Variants in PASK observed in about 807,000 individuals in gnomAD.
PASK encodes PAS domain-containing serine/threonine-protein kinase.
PASK carries 110 observed loss-of-function variants against 121.0 expected under a neutral mutation model. That is an observed-to-expected ratio of 0.91 (90% CI 0.78 to 1.06). The LOEUF (loss-of-function observed/expected upper bound fraction) is 1.06. Ranked by LOEUF, PASK falls within the 50% of genes least tolerant of loss-of-function variation. The probability of loss-of-function intolerance (pLI) is 0.00; values close to 1 mark genes in which losing one functional copy is unlikely to be tolerated. For synonymous variants in PASK, 686 were observed against 717.8 expected, an observed-to-expected ratio of 0.96 and a Z score of 0.71; for missense variants, 1,643 against 1,702.3, an observed-to-expected ratio of 0.97 and a Z score of 0.61.
intron 12 of PASK, 114 bp downstream of exon 12, chr2:241,122,618 T>C: frequency 1.0e-6 from 1 of 967,980 alleles, no homozygotes; most frequent in Non-Finnish European, 1.7e-6. Context: ...GTTGTGTGCT[T>C]GGTGCCATAC....
chr2:241,119,279 G>A (rs2065500624), intron 12 of PASK, among the ~76,000 whole-genome samples: 1 of 152,160 alleles, frequency 6.6e-6, no homozygotes, highest in African/African-American at 2.4e-5. Context: ...GGAGGGAGGT[G>A]GGGACAGCAG....
rs2066563149 is a variant in PASK, at chr2:241,138,769, T to TC, written c.625dup (p.Glu209GlyfsTer46). Reference sequence around the variant, plus strand: ...CATCCACACAGACACTGGAATCTTCTCCCCACTACGGCTGATGATGTCCAC... The same window carrying TC: ...CATCCACACAGACACTGGAATCTTCTCCCCCACTACGGCTGATGATGTCCAC... On this transcript the variant is annotated frameshift_variant, in exon 5 of 18. Coordinates refer to ENST00000234040, the MANE Select transcript of PASK (RefSeq NM_015148.4). LOFTEE classifies it high-confidence loss of function. 1.2e-6 allele frequency: 2 copies of TC among 1,614,034 alleles called. No homozygotes were observed. Among genetic ancestry groups the TC allele is most frequent in the Non-Finnish European group, 1.7e-6 (2 of 1,179,992 alleles).
intron 14 of PASK, chr2:241,113,350 A>G (rs968183257): frequency 5.3e-5 from 8 of 152,194 alleles, no homozygotes; most frequent in Non-Finnish European, 1.2e-4. Flanking sequence ...GCATATTTAT[A>G]CACATATATA....
At chr2:241,133,132 C>T (rs982448347) in intron 8 of PASK, 102 bp from the exon 9 acceptor site, 3 of 1,169,742 alleles carry the variant, frequency 2.6e-6, no homozygotes, top group Middle Eastern at 2.0e-4. Flanking sequence ...CACAGCATGA[C>T]CAGCATCGAC....
In PASK at chr2:241,139,764, G is replaced by A; in HGVS notation, c.600+121C>T. 6.6e-6 allele frequency: 6 copies of A among 915,202 alleles called. No individual in the cohort carries two copies. The South Asian group carries it at 8.3e-5, about 13-fold the overall frequency. 56.7% of individuals were successfully genotyped at this position (915,202 alleles called of 1,614,324 possible). A position where few individuals can be genotyped will look rare whatever the true frequency, so the allele number is the denominator to read the frequency against. On this transcript the variant is annotated intron_variant, in intron 4 of 17. Transcript: ENST00000234040. ...TGGGATGACATTTTCAGCTGAAGAAGCTGAGATGTCCTGGTGCCACCCAAC... is the reference window on the plus strand; with the variant it reads ...TGGGATGACATTTTCAGCTGAAGAAACTGAGATGTCCTGGTGCCACCCAAC...
chr2:241,148,962 GGCGGCGCGCGCCCCCGACCCC>G lies in PASK; in HGVS notation c.-43+431_-43+451del, dbSNP rs145100336. On this transcript the variant is annotated intron_variant, in intron 1 of 17. Transcript: ENST00000234040. The stretch of plus-strand genomic sequence containing the variant: ...GGTCTTTGCTGTAACCACGAGCGCC[GGCGGCGCGCGCCCCCGACCCC>G]GCGGCGCCGGCTGAGCCCGCAGGGA... Among the ~76,000 whole-genome samples the G allele has an allele frequency of 0.043, 6,563 of 152,192 alleles. 722 individuals carry two copies. The East Asian group carries it at 0.47, about 11-fold the overall frequency.
chr2:241,128,189 A>AGAAT (rs1167625914), intron 9 of PASK, among the ~76,000 whole-genome samples: 1 of 152,240 alleles, frequency 6.6e-6, no homozygotes. Context: ...CTGAGGCAGG[A>AGAAT]GAATGGTTTG....
chr2:241,149,939 G>C (rs1234792672), upstream of PASK: 1 of 1,428,948 alleles, frequency 7.0e-7, no homozygotes, highest in African/African-American at 1.4e-5. Context: ...CGAGCGTCAA[G>C]AGAAGGCGGC....
Position 241,130,515 on chromosome 2 carries a change from C to T in PASK, c.1463+2359G>A, listed in dbSNP as rs143631317. 7.5e-4 allele frequency among the ~76,000 whole-genome samples: 114 copies of T among 152,242 alleles called. 1 individual carries two copies. Among genetic ancestry groups the T allele is most frequent in the African/African-American group, 2.7e-3 (112 of 41,554 alleles). On this transcript the variant is annotated intron_variant, in intron 9 of 17. Transcript: ENST00000234040. ...GGCCGCTAGTGCTGTTGAGCACCCA[C>T]GGGTCAGACTTGGGCCCTCAACCAC...
intron 9 of PASK, among the ~76,000 whole-genome samples, chr2:241,127,982 G>A (rs1033866911): frequency 3.3e-5 from 5 of 152,142 alleles, no homozygotes; most frequent in Non-Finnish European, 5.9e-5. Context: ...CACACAGAAG[G>A]GGCCAGGGGC....
intron 8 of PASK, chr2:241,133,484 T>A (rs2066264824): frequency 3.8e-6 from 1 of 266,084 alleles, no homozygotes; most frequent in Non-Finnish European, 7.4e-6. Flanking sequence ...TCCCTAGGCC[T>A]CCTGGGACCC....
upstream of PASK, chr2:241,149,771 T>C: frequency 6.5e-7 from 1 of 1,537,410 alleles, no homozygotes; most frequent in South Asian, 1.2e-5. Context: ...GCGGGGCGGC[T>C]CGTTCATGGG....
intron 12 of PASK, among the ~76,000 whole-genome samples, chr2:241,118,200 A>C (rs2125413425): frequency 6.6e-6 from 1 of 152,166 alleles, no homozygotes; most frequent in East Asian, 1.9e-4. Flanking sequence ...ACAATCTCAA[A>C]ATAGCCAAAA....
In PASK at chr2:241,134,960, A is replaced by G. The variant is rs2066337981; in HGVS notation, c.1306+911T>C. Among the ~76,000 whole-genome samples the G allele has an allele frequency of 3.3e-5, 5 of 152,076 alleles. 2 individuals are homozygous for G. The South Asian group carries it at 1.0e-3, about 32-fold the overall frequency. ...CAGGGCAGAGCCAGGGACAGGGCGCACCCCCACCCCATGCTTGTCAACAAG... is the reference window on the plus strand; with the variant it reads ...CAGGGCAGAGCCAGGGACAGGGCGCGCCCCCACCCCATGCTTGTCAACAAG... On this transcript the variant is annotated intron_variant, in intron 8 of 17. Transcript: ENST00000234040.
At chr2:241,146,522 T>C (rs2066963492) in intron 1 of PASK, among the ~76,000 whole-genome samples, 1 of 152,120 alleles carries the variant, frequency 6.6e-6, no homozygotes, top group South Asian at 2.1e-4. Flanking sequence ...AACAAGAAGA[T>C]AGATTTTAAA....
chr2:241,139,615 A>G (rs1339515278), intron 4 of PASK: 1 of 673,722 alleles, frequency 1.5e-6, no homozygotes, highest in Non-Finnish European at 2.8e-6. Flanking sequence ...CAGCCCTCAG[A>G]CAAAGCAAGG....
At chr2:241,143,939 T>C (rs1305781987) in intron 1 of PASK, among the ~76,000 whole-genome samples, 2 of 152,260 alleles carry the variant, frequency 1.3e-5, no homozygotes, top group East Asian at 1.9e-4. Flanking sequence ...CAAATGCTGA[T>C]ACAGGGTGGA....
intron 8 of PASK, 95 bp downstream of exon 8, chr2:241,135,776 A>G (rs1448966367): frequency 4.9e-6 from 6 of 1,214,682 alleles, no homozygotes; most frequent in African/African-American, 1.5e-5. Flanking sequence ...CTGGAGGGAC[A>G]ATAGCTCCTG....
Position 241,140,577 on chromosome 2 carries a change from C to A in PASK, c.373G>T (p.Ala125Ser). The A allele has an allele frequency of 6.2e-7, 1 of 1,614,090 alleles. No individual in the cohort carries two copies. Among genetic ancestry groups the A allele is most frequent in the Non-Finnish European group, 8.5e-7 (1 of 1,179,998 alleles). Residue 125 changes from alanine (A) to serine (S), a missense_variant, in exon 3 of 18, where the codon GCC becomes TCC. Coordinates refer to ENST00000234040, the MANE Select transcript of PASK (RefSeq NM_015148.4). ...SSGWSSPLLP[A>S]PVCNPNKAIF... ...GCCTTGTTAGGGTTGCACACAGGGG[C>A]CGGAAGCAGAGGTGAGGACCACCCT...
Sources: allele counts gnomAD v4.1 joint callset (sites outside exome capture counted in the v4.1 genomes callset), GRCh38; gene constraint gnomAD v4.1.1; transcripts MANE v1.5; gene names NCBI Gene and HGNC (gene_info 2026-07-23, HGNC 2026-07-21).